DIAPH3: variants seen among roughly 807,000 people sequenced by gnomAD.
DIAPH3 encodes the protein protein diaphanous homolog 3.
In DIAPH3, 117 loss-of-function variants were observed where a neutral mutation model predicts 144.3. The ratio of observed to expected loss-of-function variants is 0.81; its 90% CI spans 0.70 to 0.95. The LOEUF is 0.95. Ranked by LOEUF, DIAPH3 falls within the 40% of genes least tolerant of loss-of-function variation. The pLI is 0.00. For synonymous variants in DIAPH3, 519 were observed against 488.9 expected (o/e 1.06, Z -0.81); for missense variants, 1,421 against 1,412.7 (o/e 1.01, Z -0.09).
intron 2 of DIAPH3, among the ~76,000 whole-genome samples, chr13:60,123,852 A>C (rs1467659348): frequency 2.0e-5 from 3 of 152,214 alleles, no homozygotes; most frequent in Non-Finnish European, 4.4e-5. Flanking sequence ...CTTATATCCT[A>C]CTAGAATAAT....
intron 3 of DIAPH3, 63 bp downstream of exon 3, chr13:60,111,947 A>G: frequency 6.3e-7 from 1 of 1,575,360 alleles, no homozygotes; most frequent in South Asian, 1.1e-5. Context: ...TTAGAGTTCC[A>G]TTAACATGAG....
At chr13:60,157,480 C>T (rs1272164697) in intron 1 of DIAPH3, among the ~76,000 whole-genome samples, 1 of 152,148 alleles carries the variant, frequency 6.6e-6, no homozygotes, top group Non-Finnish European at 1.5e-5. Context: ...CAGAGGTTTC[C>T]TATCATTTCA....
intron 27 of DIAPH3, among the ~76,000 whole-genome samples, chr13:59,732,444 T>C (rs2035934922): frequency 6.6e-6 from 1 of 151,486 alleles, no homozygotes; most frequent in South Asian, 2.1e-4. Context: ...GCTTAATTTT[T>C]GGTACTTTTT....
In DIAPH3 at chr13:59,713,649, G is replaced by C. The variant is rs1440454721; in HGVS notation, c.3320-46803C>G. On this transcript the variant is annotated intron_variant, in intron 27 of 27. Transcript: ENST00000400324. The stretch of plus-strand genomic sequence containing the variant: ...GAAGGGGAGCTATTAAATTACTATA[G>C]GTAAGAAGCTTTTTTGATGGCAGAG... Among the ~76,000 whole-genome samples, 2 of 122,644 alleles carry C rather than the reference G, an allele frequency of 1.6e-5. 1 individual carries two copies. The highest frequency in any genetic ancestry group is 5.2e-4 in the East Asian group (2 of 3,874). 80.5% of individuals were successfully genotyped at this position (122,644 alleles called of 152,430 possible).
intron 17 of DIAPH3, among the ~76,000 whole-genome samples, chr13:59,954,530 G>A (rs2049278782): frequency 6.6e-6 from 1 of 152,152 alleles, no homozygotes; most frequent in African/African-American, 2.4e-5. Flanking sequence ...GTGGACAGGG[G>A]ATGACCATGT....
At chr13:59,738,667 T>A (rs2036284852) in intron 27 of DIAPH3, among the ~76,000 whole-genome samples, 1 of 152,142 alleles carries the variant, frequency 6.6e-6, no homozygotes, top group African/African-American at 2.4e-5. Flanking sequence ...CACTAATCCA[T>A]GAAGGTATCT....
intron 5 of DIAPH3, among the ~76,000 whole-genome samples, chr13:60,031,799 A>G (rs2054822354): frequency 8.5e-6 from 1 of 117,578 alleles, no homozygotes; most frequent in South Asian, 2.9e-4. Context: ...GCTGGAGTGC[A>G]GTGGCACGAT....
chr13:59,674,980 G>A (rs2032562855), intron 27 of DIAPH3, among the ~76,000 whole-genome samples: 2 of 152,214 alleles, frequency 1.3e-5, no homozygotes, highest in South Asian at 2.1e-4. Context: ...GGAAAGGGTA[G>A]AGAAATAATA....
intron 27 of DIAPH3, among the ~76,000 whole-genome samples, chr13:59,716,188 T>C (rs2035043930): frequency 6.6e-6 from 1 of 152,222 alleles, no homozygotes; most frequent in South Asian, 2.1e-4. Context: ...ACTTATTTTT[T>C]TTTTGAGAAA....
intron 4 of DIAPH3, among the ~76,000 whole-genome samples, chr13:60,085,400 T>C (rs562779068): frequency 1.3e-5 from 2 of 152,250 alleles, no homozygotes; most frequent in African/African-American, 4.8e-5. Flanking sequence ...ATTAATGTTA[T>C]ACTAAGAGAC....
chr13:60,107,931 A>G (rs970062485), intron 3 of DIAPH3, among the ~76,000 whole-genome samples: 1 of 152,230 alleles, frequency 6.6e-6, no homozygotes, highest in African/African-American at 2.4e-5. Flanking sequence ...CTCAACCGAT[A>G]GTGAAAATAA....
At chr13:59,690,670 C>G (rs570870860) in intron 27 of DIAPH3, among the ~76,000 whole-genome samples, 7 of 152,226 alleles carry the variant, frequency 4.6e-5, no homozygotes, top group African/African-American at 1.7e-4. Context: ...TCCAAAACAA[C>G]TGATTTAAAA....
intron 25 of DIAPH3, among the ~76,000 whole-genome samples, chr13:59,778,192 T>A (rs1016524406): frequency 1.3e-5 from 2 of 152,194 alleles, no homozygotes; most frequent in African/African-American, 4.8e-5. Flanking sequence ...TACCCTTCCT[T>A]CAAAACGGAG....
At chr13:60,006,091 T>C (rs922762242) in intron 9 of DIAPH3, among the ~76,000 whole-genome samples, 2 of 152,190 alleles carry the variant, frequency 1.3e-5, no homozygotes, top group Non-Finnish European at 2.9e-5. Flanking sequence ...ATTTACCCCC[T>C]AAATTTTTTA....
intron 3 of DIAPH3, among the ~76,000 whole-genome samples, chr13:60,103,161 G>A (rs1020134507): frequency 2.0e-5 from 3 of 151,868 alleles, no homozygotes; most frequent in Admixed American, 1.3e-4. Flanking sequence ...AACCGAGGTG[G>A]GGGGGAAATA....
At chr13:60,020,614 C>T (rs1333950076) in intron 5 of DIAPH3, among the ~76,000 whole-genome samples, 1 of 152,172 alleles carries the variant, frequency 6.6e-6, no homozygotes, top group Non-Finnish European at 1.5e-5. Context: ...ATCCTCTCAC[C>T]TTAGCTTCCA....
chr13:60,084,206 G>A (rs116792266), intron 4 of DIAPH3, among the ~76,000 whole-genome samples: 168 of 152,160 alleles, frequency 1.1e-3, no homozygotes, highest in African/African-American at 3.8e-3. Context: ...AGCATGGGAC[G>A]GGGCAGATGG....
chr13:59,944,400 A>G (rs2140401689), intron 17 of DIAPH3, among the ~76,000 whole-genome samples: 1 of 152,294 alleles, frequency 6.6e-6, no homozygotes, highest in African/African-American at 2.4e-5. Flanking sequence ...ATATAAATAT[A>G]TGCATTTGTA....
At chr13:59,809,240 G>T (rs531682895) in intron 25 of DIAPH3, among the ~76,000 whole-genome samples, 1 of 152,266 alleles carries the variant, frequency 6.6e-6, no homozygotes, top group South Asian at 2.1e-4. Flanking sequence ...AGTGGCTCAC[G>T]CCTGTAATCC....
Sources: allele counts gnomAD v4.1 joint callset (sites outside exome capture counted in the v4.1 genomes callset), GRCh38; gene constraint gnomAD v4.1.1; transcripts MANE v1.5; gene names NCBI Gene and HGNC (gene_info 2026-07-23, HGNC 2026-07-21).